The following CCDC88C variants were observed in gnomAD, a reference collection of about 807,000 sequenced individuals.
CCDC88C encodes protein Daple.
In CCDC88C, 131 loss-of-function variants were observed where a neutral mutation model predicts 198.8. The ratio of observed to expected loss-of-function variants is 0.66; its 90% CI spans 0.57 to 0.76. The LOEUF (loss-of-function observed/expected upper bound fraction) is 0.76, where lower values mean the gene tolerates loss of function less well. Among genes scored for constraint, CCDC88C ranks in the 30% least tolerant of loss-of-function variants. The probability of loss-of-function intolerance (pLI) is 0.00; values close to 1 mark genes in which losing one functional copy is unlikely to be tolerated. For missense variants in CCDC88C, 2,553 were observed against 2,631.6 expected (o/e 0.97, Z 0.65); for synonymous variants, 1,166 against 1,114.7 (o/e 1.05, Z -0.92).
chr14:91,311,709 C>G (rs937979389), intron 15 of CCDC88C, among the ~76,000 whole-genome samples: 1 of 152,184 alleles, frequency 6.6e-6, no homozygotes. Context: ...ATCTACTCAC[C>G]CCAGCATACT....
chr14:91,350,145 G>A (rs1893721944), intron 4 of CCDC88C, among the ~76,000 whole-genome samples: 1 of 151,602 alleles, frequency 6.6e-6, no homozygotes, highest in Non-Finnish European at 1.5e-5. Context: ...CTGTAGTCAT[G>A]CACATGTTCA....
At position 91,338,042 on chromosome 14, in the gene CCDC88C, T is replaced by C. The variant is rs549975798; in HGVS notation, c.1013A>G (p.Lys338Arg). Residue 338 changes from lysine (K) to arginine (R), a missense_variant, in exon 10 of 30, where the codon AAG becomes AGG. This residue lies in a region of CCDC88C where 1,260 missense variants were observed against 1,412.0 expected (regional missense o/e 0.89). Coordinates refer to ENST00000389857, the MANE Select transcript of CCDC88C (RefSeq NM_001080414.4). The surrounding 1 kb of genome is among the most constrained non-coding windows in gnomAD (Gnocchi z 4.8). Reference protein sequence around the residue: ...LELELTRCKEKLHDVDFYKAR... With the variant: ...LELELTRCKERLHDVDFYKAR... ...CTTGTAGAAGTCCACGTCGTGCAGC[T>C]TCTCCTTGCAGCGGGTCAGCTCCAG... The C allele has an allele frequency of 1.9e-6, 3 of 1,613,286 alleles. No homozygotes were observed. Among genetic ancestry groups the C allele is most frequent in the Non-Finnish European group, 2.5e-6 (3 of 1,179,898 alleles).
At chr14:91,416,934 T>C in intron 1 of CCDC88C, 96 bp from the exon 2 acceptor site, 1 of 838,762 alleles carries the variant, frequency 1.2e-6, no homozygotes, top group East Asian at 2.6e-5. Context: ...CGGGTCAGTG[T>C]GAGCAGAAGG....
At chr14:91,302,997 T>C (rs1891370244) in intron 20 of CCDC88C, among the ~76,000 whole-genome samples, 1 of 152,200 alleles carries the variant, frequency 6.6e-6, no homozygotes, top group African/African-American at 2.4e-5. Flanking sequence ...CTTACTACTG[T>C]CTTCAGTTGC....
intron 3 of CCDC88C, among the ~76,000 whole-genome samples, chr14:91,361,389 C>A (rs1447470633): frequency 6.6e-6 from 1 of 152,166 alleles, no homozygotes; most frequent in Non-Finnish European, 1.5e-5. Flanking sequence ...GGCCCGAGTG[C>A]GTATCTCAGA....
At chr14:91,349,817 TGA>T (rs1893705095) in intron 4 of CCDC88C, among the ~76,000 whole-genome samples, 1 of 152,220 alleles carries the variant, frequency 6.6e-6, no homozygotes, top group African/African-American at 2.4e-5. Flanking sequence ...GGAAACTGCC[TGA>T]TAGCACACGT....
intron 2 of CCDC88C, among the ~76,000 whole-genome samples, chr14:91,416,483 C>G (rs1384936657): frequency 2.0e-5 from 3 of 152,200 alleles, no homozygotes; most frequent in Non-Finnish European, 4.4e-5. Flanking sequence ...ATTGCACTAT[C>G]TACACCACGT....
chr14:91,368,437 T>C (rs1477567656), intron 3 of CCDC88C, among the ~76,000 whole-genome samples: 7 of 152,272 alleles, frequency 4.6e-5, no homozygotes, highest in African/African-American at 1.7e-4. Flanking sequence ...GAACTGGTAA[T>C]GCTGGCTTGA....
chr14:91,384,660 A>G (rs760001964), intron 3 of CCDC88C: 41 of 377,462 alleles, frequency 1.1e-4, no homozygotes, highest in Non-Finnish European at 1.9e-4. Flanking sequence ...GCCTACCCCA[A>G]CTGCACACCT....
At chr14:91,274,310 C>T (rs1319255692) in intron 29 of CCDC88C, among the ~76,000 whole-genome samples, 8 of 152,164 alleles carry the variant, frequency 5.3e-5, no homozygotes, top group Admixed American at 1.3e-4. Flanking sequence ...AAGGCCCAGC[C>T]GCCACACTGT....
chr14:91,356,557 A>C (rs1894047942), intron 4 of CCDC88C, among the ~76,000 whole-genome samples: 1 of 152,046 alleles, frequency 6.6e-6, no homozygotes, highest in East Asian at 1.9e-4. Flanking sequence ...ACAGTCTAAA[A>C]CCAGCTTCCT....
At chr14:91,302,143 C>T (rs951262517) in intron 20 of CCDC88C, among the ~76,000 whole-genome samples, 1 of 152,224 alleles carries the variant, frequency 6.6e-6, no homozygotes, top group Non-Finnish European at 1.5e-5. Flanking sequence ...CATGAACCCA[C>T]AAGCATCATC....
rs865889318 is a variant in CCDC88C, at chr14:91,293,396, C to T, written c.4112+777G>A. Among the ~76,000 whole-genome samples the T allele has an allele frequency of 7.5e-3, 122 of 16,170 alleles. 8 individuals carry two copies. The highest frequency in any genetic ancestry group is 0.017 in the East Asian group (10 of 576). The allele number at this position is 16,170 out of a possible 152,430, so 10.6% of individuals were successfully genotyped here. ...TTCCTGCCCCCTCGCCTGCCACAGCCCACCTTCCTGCCCCCTCACCTGCCA... is the reference window on the plus strand; with the variant it reads ...TTCCTGCCCCCTCGCCTGCCACAGCTCACCTTCCTGCCCCCTCACCTGCCA... On this transcript the variant is annotated intron_variant, in intron 23 of 29. Transcript: ENST00000389857.
At position 91,339,393 on chromosome 14, in the gene CCDC88C, A is replaced by G. The variant is rs1291916808; in HGVS notation, c.694T>C (p.Ser232Pro). Residue 232 changes from serine to proline, a missense_variant, in exon 8 of 30, where the codon TCC becomes CCC. By Grantham distance (74) the Ser-to-Pro change is moderately conservative. Transcript: ENST00000389857. The surrounding 1 kb of genome is among the most constrained non-coding windows in gnomAD (Gnocchi z 5.8). Reference sequence around the variant, plus strand: ...GGGCTGGGAGTGGAGTCGGCGCTGGAGGACTTGATGGGGCTGGGTGGATGC... The same window carrying G: ...GGGCTGGGAGTGGAGTCGGCGCTGGGGGACTTGATGGGGCTGGGTGGATGC... The part of the protein sequence containing the change: ...AQHPPSPIKS[S>P]SADSTPSPTS... 2 of 1,613,376 alleles carry G rather than the reference A, an allele frequency of 1.2e-6. No individual in the cohort carries two copies. Among genetic ancestry groups the G allele is most frequent in the Non-Finnish European group, 1.7e-6 (2 of 1,179,668 alleles).
rs1285456141 is a variant in CCDC88C, at chr14:91,391,914, C to CT, written c.270+16744dup. On this transcript the variant is annotated intron_variant, in intron 3 of 29. Transcript: ENST00000389857. The stretch of plus-strand genomic sequence containing the variant: ...TGAAAGTCCGCTTTCCAGCTACTTT[C>CT]TTTTTTTTTGGAGACGGAGTCTTGC... Among the ~76,000 whole-genome samples, 97 of 151,068 alleles carry CT rather than the reference C, an allele frequency of 6.4e-4. 1 individual carries two copies. Among genetic ancestry groups the CT allele is most frequent in the Admixed American group, 5.2e-3 (79 of 15,176 alleles).
At chr14:91,383,535 G>A (rs527759920) in intron 3 of CCDC88C, among the ~76,000 whole-genome samples, 3 of 152,332 alleles carry the variant, frequency 2.0e-5, no homozygotes, top group Non-Finnish European at 2.9e-5. Flanking sequence ...CTGCCTCCTC[G>A]GAGGTCGCCA....
At chr14:91,331,610 G>A (rs868585464) in intron 10 of CCDC88C, among the ~76,000 whole-genome samples, 6 of 152,192 alleles carry the variant, frequency 3.9e-5, no homozygotes, top group East Asian at 1.9e-4. Context: ...CTCACTGGCC[G>A]GTGCTGGCCA....
rs71428751 is a variant in CCDC88C at position 91,309,181 on chromosome 14, C to T, written c.2864+678G>A. Reference sequence around the variant, plus strand: ...GAGGCGGAGGTTTTCATCACTGAGCCGGGATCACACCACTGCACTCCTGCC... The same window carrying T: ...GAGGCGGAGGTTTTCATCACTGAGCTGGGATCACACCACTGCACTCCTGCC... On this transcript the variant is annotated intron_variant, in intron 16 of 29. Transcript: ENST00000389857. Among the ~76,000 whole-genome samples, 336 of 152,266 alleles carry T rather than the reference C, an allele frequency of 2.2e-3. 6 individuals are homozygous for T. Among genetic ancestry groups the T allele is most frequent in the Admixed American group, 0.018 (274 of 15,292 alleles).
rs767397451 is a variant in CCDC88C at position 91,308,500 on chromosome 14, A to G, written c.2865-8T>C. The G allele has an allele frequency of 1.9e-6, 3 of 1,613,252 alleles. No homozygotes were observed. Among genetic ancestry groups the G allele is most frequent in the Admixed American group, 3.3e-5 (2 of 59,958 alleles). On this transcript the variant is annotated splice_polypyrimidine_tract_variant and splice_region_variant and intron_variant, in intron 16 of 29. Transcript: ENST00000389857. The stretch of plus-strand genomic sequence containing the variant: ...TCCAAAATCTTGTATTTTCTGGAAA[A>G]CACAAAGATACAATAGTATCACTTA...
Sources: gnomAD v4.1 joint callset for allele counts (sites outside exome capture counted in the v4.1 genomes callset) on GRCh38, gnomAD v4.1.1 for gene constraint, gnomAD v4.1.1 regional missense constraint, Gnocchi (gnomAD v3.1) non-coding constraint, MANE v1.5 for transcripts, NCBI Gene and HGNC (gene_info 2026-07-23, HGNC 2026-07-21) for gene names.